Variants in CKM observed in about 807,000 individuals in gnomAD.
The protein encoded by CKM is creatine kinase M-type.
A neutral mutation model predicts 35.4 loss-of-function variants in CKM; 28 were observed. The ratio of observed to expected loss-of-function variants is 0.79; its 90% CI spans 0.59 to 1.08. The LOEUF is 1.08. CKM is among the 50% of genes least tolerant of loss of function. The probability of loss-of-function intolerance (pLI) is 0.00; values close to 1 mark genes in which losing one functional copy is unlikely to be tolerated. For missense variants in CKM, 484 were observed against 509.8 expected, an observed-to-expected ratio of 0.95 and a Z score of 0.49; for synonymous variants, 215 against 204.4, an observed-to-expected ratio of 1.05 and a Z score of -0.44.
At chr19:45,318,486 G>A (rs545507737) in intron 2 of CKM, among the ~76,000 whole-genome samples, 2 of 151,958 alleles carry the variant, frequency 1.3e-5, no homozygotes, top group African/African-American at 2.4e-5. Context: ...CAAGGTGGCT[G>A]GGAGGGGTCA....
At chr19:45,318,993 C>T (rs2035875925) in intron 2 of CKM, among the ~76,000 whole-genome samples, 3 of 151,882 alleles carry the variant, frequency 2.0e-5, no homozygotes, top group Admixed American at 6.6e-5. Context: ...TAGCTTGGAC[C>T]ACAAGCCCTC....
chr19:45,310,277 A>C lies in CKM; in HGVS notation c.653+1472T>G, dbSNP rs372323593. Among the ~76,000 whole-genome samples, 19 of 151,616 alleles carry C rather than the reference A, an allele frequency of 1.3e-4. 1 individual carries two copies. The highest frequency in any genetic ancestry group is 1.0e-3 in the South Asian group (5 of 4,764). ...GTAGGACTACAGGCGCCTGCCACCAAGCCCAGCTAATTTTTTGTATTTTTA... is the reference window on the plus strand; with the variant it reads ...GTAGGACTACAGGCGCCTGCCACCACGCCCAGCTAATTTTTTGTATTTTTA... On this transcript the variant is annotated intron_variant, in intron 5 of 7. Transcript: ENST00000221476.
At chr19:45,314,448 C>G (rs1020329886) in intron 4 of CKM, among the ~76,000 whole-genome samples, 1 of 152,002 alleles carries the variant, frequency 6.6e-6, no homozygotes, top group African/African-American at 2.4e-5. Flanking sequence ...GAGTCACACT[C>G]TGTCCCCCAG....
At chr19:45,320,806 G>A (rs17875646) in intron 1 of CKM, among the ~76,000 whole-genome samples, 9,459 of 152,180 alleles carry the variant, frequency 0.062, 453 homozygotes, top group Non-Finnish European at 0.089. Context: ...CCGCATGGGA[G>A]TGTTGAAAAG....
intron 5 of CKM, among the ~76,000 whole-genome samples, chr19:45,310,196 C>T (rs1971094194): frequency 7.1e-6 from 1 of 140,914 alleles, no homozygotes; most frequent in Non-Finnish European, 1.5e-5. Context: ...TCTTGGCTCA[C>T]TTCAAGCTCC....
At chr19:45,309,950 C>A (rs1237939763) in intron 5 of CKM, among the ~76,000 whole-genome samples, 1 of 152,056 alleles carries the variant, frequency 6.6e-6, no homozygotes, top group Non-Finnish European at 1.5e-5. Flanking sequence ...ATCTGTATAT[C>A]TTAGCACCCA....
chr19:45,314,133 G>A (rs1261073521), intron 4 of CKM, among the ~76,000 whole-genome samples: 1 of 145,610 alleles, frequency 6.9e-6, no homozygotes, highest in Non-Finnish European at 1.5e-5. Context: ...AAGGAAGGGA[G>A]GGAGGGAAGG....
chr19:45,309,675 A>T (rs1427058510), intron 5 of CKM, among the ~76,000 whole-genome samples: 1 of 152,138 alleles, frequency 6.6e-6, no homozygotes, highest in African/African-American at 2.4e-5. Flanking sequence ...CAGCCTGAGC[A>T]ACATGGCAGA....
Position 45,306,506 on chromosome 19 carries a change from T to C in CKM, c.*244A>G, listed in dbSNP as rs527891971. The stretch of plus-strand genomic sequence containing the variant: ...GCTCTCCATTAACTAGAGCTCCTGG[T>C]TGGGGTGGAGCTCTGGGAAAAGAAG... On this transcript the variant is annotated 3_prime_UTR_variant, in exon 8 of 8. Transcript: ENST00000221476. This position sits in a 1 kb window ranked among gnomAD's most constrained non-coding sequence, Gnocchi z 4.5. The C allele has an allele frequency of 2.0e-5, 11 of 550,614 alleles. No individual in the cohort carries two copies. The highest frequency in any genetic ancestry group is 1.9e-4 in the South Asian group (9 of 47,444). 34.1% of individuals were successfully genotyped at this position (550,614 alleles called of 1,614,324 possible). A position where few individuals can be genotyped will look rare whatever the true frequency, so the allele number is the denominator to read the frequency against.
At chr19:45,319,772 G>A in intron 1 of CKM, 41 bp from the exon 2 acceptor site, 1 of 1,495,526 alleles carries the variant, frequency 6.7e-7, no homozygotes, top group Non-Finnish European at 9.2e-7. Context: ...AGATTAGCTG[G>A]CATCTTTTTT....
At position 45,307,490 on chromosome 19, in the gene CKM, G is replaced by A; in HGVS notation, c.938C>T (p.Thr313Ile). 2 of 1,613,978 alleles carry A rather than the reference G, an allele frequency of 1.2e-6. No homozygotes were observed. Among genetic ancestry groups the A allele is most frequent in the South Asian group, 2.2e-5 (2 of 91,068 alleles). Reference sequence around the variant, plus strand: ...ACCCCTCTTCTGCAGACGCAGGCGGGTGAGGATCTCCTCGAACTTGGGGTG... The same window carrying A: ...ACCCCTCTTCTGCAGACGCAGGCGGATGAGGATCTCCTCGAACTTGGGGTG... ...SKHPKFEEIL[T>I]RLRLQKRGTG... The change falls in exon 7 of 8, where the codon ACC becomes ATC. Residue 313 changes from threonine to isoleucine, a missense_variant. By Grantham distance (89) the Thr-to-Ile change is moderately conservative. Transcript: ENST00000221476.
intron 5 of CKM, among the ~76,000 whole-genome samples, chr19:45,310,768 T>A (rs1971100888): frequency 8.7e-6 from 1 of 115,334 alleles, no homozygotes; most frequent in African/African-American, 3.4e-5. Flanking sequence ...GCTTTTTTTT[T>A]TTTTTTTTTT....
At chr19:45,313,315 G>A (rs1241224387) in intron 4 of CKM, among the ~76,000 whole-genome samples, 1 of 152,100 alleles carries the variant, frequency 6.6e-6, no homozygotes, top group Non-Finnish European at 1.5e-5. Flanking sequence ...TGATGTTACT[G>A]TTTTAATTTT....
At position 45,319,589 on chromosome 19, in the gene CKM, AG is replaced by A; in HGVS notation, c.124del (p.Leu42CysfsTer12). On this transcript the variant is annotated frameshift_variant, in exon 2 of 8. Coordinates refer to ENST00000221476, the MANE Select transcript of CKM (RefSeq NM_001824.5). LOFTEE classifies it high-confidence loss of function. ...GCCAGATGGAGTCTCCTTGTCCCGC[AG>A]CTTCTTGTAGAGTTCAAGGGTCAGT... ...KVLTLELYKK[L>X]RDKETPSGFT... 1 of 1,614,040 alleles carries A rather than the reference AG, an allele frequency of 6.2e-7. No homozygotes were observed. Among genetic ancestry groups the A allele is most frequent in the Non-Finnish European group, 8.5e-7 (1 of 1,180,006 alleles).
chr19:45,309,245 A>G (rs534715914), intron 5 of CKM, among the ~76,000 whole-genome samples: 2 of 141,464 alleles, frequency 1.4e-5, no homozygotes, highest in South Asian at 2.2e-4. Flanking sequence ...AAAAAAAAAA[A>G]GAACATAAAA....
intron 3 of CKM, among the ~76,000 whole-genome samples, chr19:45,317,427 A>G (rs563924674): frequency 6.6e-6 from 1 of 151,984 alleles, no homozygotes; most frequent in African/African-American, 2.4e-5. Context: ...AGCTGGGATT[A>G]CAGGCATGTG....
At chr19:45,321,063 A>ATTTTTTTTTTTTTTTTTTTTTT (rs35089528) in intron 1 of CKM, among the ~76,000 whole-genome samples, 1 of 142,674 alleles carries the variant, frequency 7.0e-6, no homozygotes, top group African/African-American at 2.6e-5. Context: ...ACACCTGGCT[A>ATTTTTTTTTTTTTTTTTTTTTT]TTTTTTTTTT....
At chr19:45,308,975 C>T (rs1277408262) in intron 5 of CKM, among the ~76,000 whole-genome samples, 2 of 152,104 alleles carry the variant, frequency 1.3e-5, no homozygotes, top group African/African-American at 4.8e-5. Flanking sequence ...CGCCTGTAAT[C>T]CCAGCACTTT....
intron 6 of CKM, among the ~76,000 whole-genome samples, 160 bp downstream of exon 6, chr19:45,308,249 G>T (rs1209681409): frequency 9.8e-6 from 1 of 102,086 alleles, no homozygotes; most frequent in Admixed American, 9.1e-5. Flanking sequence ...GGCTAGTTTT[G>T]GGGGGCGGGG....
Sources: gnomAD v4.1 joint callset for allele counts (sites outside exome capture counted in the v4.1 genomes callset) on GRCh38, gnomAD v4.1.1 for gene constraint, Gnocchi (gnomAD v3.1) non-coding constraint, MANE v1.5 for transcripts, NCBI Gene and HGNC (gene_info 2026-07-23, HGNC 2026-07-21) for gene names.